Variants in RBFOX3 observed in about 807,000 individuals in gnomAD.
RBFOX3 encodes the protein RNA binding fox-1 homolog 3.
In RBFOX3, 17 loss-of-function variants were observed where a neutral mutation model predicts 48.7. That is an observed-to-expected ratio of 0.35 (90% CI 0.24 to 0.52). RBFOX3 has a LOEUF of 0.52. Ranked by LOEUF, RBFOX3 falls within the 20% of genes least tolerant of loss-of-function variation. The pLI is 0.94. For synonymous variants in RBFOX3, 212 were observed against 209.5 expected (o/e 1.01, Z -0.10); for missense variants, 382 against 497.5 (o/e 0.77, Z 2.21).
At chr17:79,235,439 A>T (rs981976031) in intron 4 of RBFOX3, 5 of 152,262 alleles carry the variant, frequency 3.3e-5, no homozygotes, top group African/African-American at 1.2e-4. Flanking sequence ...GAAGGCAGTG[A>T]CATTGCTTCT....
At chr17:79,157,507 C>T (rs893558979) in intron 4 of RBFOX3, among the ~76,000 whole-genome samples, 11 of 152,238 alleles carry the variant, frequency 7.2e-5, no homozygotes, top group African/African-American at 2.2e-4. Flanking sequence ...GAGAACTGGC[C>T]GGTGCCACTT....
intron 3 of RBFOX3, among the ~76,000 whole-genome samples, chr17:79,272,232 C>T (rs2067863970): frequency 6.6e-6 from 1 of 152,092 alleles, no homozygotes; most frequent in African/African-American, 2.4e-5. Flanking sequence ...GTTACATGGC[C>T]TTTGTGGCTG....
At chr17:79,447,932 TAGTG>T (rs549502366) in intron 2 of RBFOX3, among the ~76,000 whole-genome samples, 73 of 152,250 alleles carry the variant, frequency 4.8e-4, no homozygotes, top group African/African-American at 1.7e-3. Context: ...GTTCTCATGA[TAGTG>T]AGTGAGTTTA....
intron 4 of RBFOX3, among the ~76,000 whole-genome samples, chr17:79,182,971 C>A (rs1243153147): frequency 6.7e-6 from 1 of 148,270 alleles, no homozygotes; most frequent in Non-Finnish European, 1.5e-5. Context: ...CCTCGGGCTT[C>A]CCCGGAGACT....
intron 1 of RBFOX3, among the ~76,000 whole-genome samples, chr17:79,520,760 G>A (rs2085946325): frequency 6.6e-6 from 1 of 152,186 alleles, no homozygotes. Context: ...AGGGCGGCAG[G>A]GAAAGAGTCG....
chr17:79,452,038 C>T (rs2073618548), intron 2 of RBFOX3, among the ~76,000 whole-genome samples: 1 of 152,136 alleles, frequency 6.6e-6, no homozygotes, highest in South Asian at 2.1e-4. Flanking sequence ...TTCCCTGTGG[C>T]TACAGGGGAG....
At chr17:79,518,309 G>T (rs1419434323) in intron 1 of RBFOX3, among the ~76,000 whole-genome samples, 1 of 152,142 alleles carries the variant, frequency 6.6e-6, no homozygotes, top group Non-Finnish European at 1.5e-5. Flanking sequence ...TCTTTCAAGC[G>T]CACAGACCCA....
chr17:79,101,758 TC>T lies in RBFOX3; in HGVS notation c.508-115del. 3 of 878,954 alleles carry T rather than the reference TC, an allele frequency of 3.4e-6. No individual in the cohort carries two copies. In the Admixed American group the frequency reaches 6.6e-5, roughly 19 times the overall value. The allele number at this position is 878,954 out of a possible 1,614,324, so 54.4% of individuals were successfully genotyped here. A position where few individuals can be genotyped will look rare whatever the true frequency, so the allele number is the denominator to read the frequency against. ...GCCCCCGGCACCCCCCGCCCCAGCC[TC>T]CTCTCTCCACCATGCTGCCTGCCCT... On this transcript the variant is annotated intron_variant, in intron 8 of 14. Transcript: ENST00000693108.
chr17:79,428,421 T>C (rs1946536697), intron 2 of RBFOX3, among the ~76,000 whole-genome samples: 1 of 152,248 alleles, frequency 6.6e-6, no homozygotes. Context: ...GGACACGGTA[T>C]CAGGGCAGAG....
chr17:79,299,076 C>G lies in RBFOX3; in HGVS notation c.-74+8648G>C, dbSNP rs939085384. Among the ~76,000 whole-genome samples the G allele has an allele frequency of 2.0e-5, 3 of 151,138 alleles. No individual in the cohort carries two copies. The highest frequency in any genetic ancestry group is 7.3e-5 in the African/African-American group (3 of 41,032). ...CTGAAATCCTCCCTGGCAGCAGATGCGGCTGGCCTCGGAAATACGGGAGGG... is the reference window on the plus strand; with the variant it reads ...CTGAAATCCTCCCTGGCAGCAGATGGGGCTGGCCTCGGAAATACGGGAGGG... On this transcript the variant is annotated intron_variant, in intron 3 of 14. Transcript: ENST00000693108. This position sits in a 1 kb window ranked among gnomAD's most constrained non-coding sequence, Gnocchi z 4.5.
chr17:79,555,671 T>C (rs1321544373), intron 1 of RBFOX3, among the ~76,000 whole-genome samples: 7 of 147,652 alleles, frequency 4.7e-5, no homozygotes, highest in African/African-American at 1.9e-4. Context: ...GTGATGGTGA[T>C]GATAGTCATG....
At chr17:79,133,385 T>TGTTTGCTGAGCACCTACTAG (rs537122872) in intron 4 of RBFOX3, among the ~76,000 whole-genome samples, 4 of 152,198 alleles carry the variant, frequency 2.6e-5, no homozygotes, top group Non-Finnish European at 5.9e-5. Context: ...AGCTGAGATC[T>TGTTTGCTGAGCACCTACTAG]GTTTGCTGAG....
At chr17:79,357,255 C>A (rs900029324) in intron 2 of RBFOX3, among the ~76,000 whole-genome samples, 3 of 152,256 alleles carry the variant, frequency 2.0e-5, no homozygotes, top group Non-Finnish European at 4.4e-5. Context: ...GAAAGAGCGC[C>A]ACTTGTAAGC....
chr17:79,626,561 T>C, the RBFOX3 span, among the ~76,000 whole-genome samples: 1 of 152,168 alleles, frequency 6.6e-6, no homozygotes, highest in South Asian at 2.1e-4. Flanking sequence ...AATAGCAGGA[T>C]TCTCGATATT....
chr17:79,135,785 C>G (rs117886696), intron 4 of RBFOX3, among the ~76,000 whole-genome samples: 4,336 of 152,320 alleles, frequency 0.028, 80 homozygotes, highest in Non-Finnish European at 0.041. Context: ...GTGGCTAAGA[C>G]AGCAGCCAAG....
intron 1 of RBFOX3, among the ~76,000 whole-genome samples, chr17:79,593,144 A>T (rs1225865144): frequency 6.6e-6 from 1 of 151,954 alleles, no homozygotes; most frequent in Non-Finnish European, 1.5e-5. Flanking sequence ...AGAGAGGAAC[A>T]TGTGTGTCCA....
intron 4 of RBFOX3, among the ~76,000 whole-genome samples, chr17:79,130,380 G>A (rs982844199): frequency 7.2e-5 from 11 of 152,288 alleles, no homozygotes; most frequent in Middle Eastern, 3.4e-3. Context: ...AGGGCTCCGA[G>A]GCCCACAGTC....
At chr17:79,576,506 G>T (rs2092864998) in intron 1 of RBFOX3, among the ~76,000 whole-genome samples, 1 of 152,066 alleles carries the variant, frequency 6.6e-6, no homozygotes, top group Non-Finnish European at 1.5e-5. Context: ...TGATGGAAAA[G>T]TTGGAGATGA....
chr17:79,575,493 C>T (rs915519025), intron 1 of RBFOX3, among the ~76,000 whole-genome samples: 11 of 152,174 alleles, frequency 7.2e-5, no homozygotes, highest in African/African-American at 2.7e-4. Flanking sequence ...GGAGCTCCAT[C>T]TTCCAAAAGC....
Sources: gnomAD v4.1 joint callset for allele counts (sites outside exome capture counted in the v4.1 genomes callset) on GRCh38, gnomAD v4.1.1 for gene constraint, Gnocchi (gnomAD v3.1) non-coding constraint, MANE v1.5 for transcripts, NCBI Gene and HGNC (gene_info 2026-07-23, HGNC 2026-07-21) for gene names.